RANBP2: variants seen among roughly 807,000 people sequenced by gnomAD.
RANBP2 encodes the protein E3 SUMO-protein ligase RanBP2.
Under a neutral mutation model 303.6 loss-of-function variants are expected in RANBP2, and 57 were observed. The ratio of observed to expected loss-of-function variants is 0.19; its 90% CI spans 0.15 to 0.23. RANBP2 has a LOEUF of 0.23. Ranked by LOEUF, RANBP2 falls within the 10% of genes least tolerant of loss-of-function variation. RANBP2 has a pLI of 1.00. For missense variants in RANBP2, 3,138 were observed against 3,780.8 expected (o/e 0.83, Z 4.46); for synonymous variants, 1,167 against 1,301.5 (o/e 0.90, Z 2.23).
chr2:108,976,073 G>A, the RANBP2 span, among the ~76,000 whole-genome samples: 1 of 152,140 alleles, frequency 6.6e-6, no homozygotes, highest in African/African-American at 2.4e-5. Flanking sequence ...GTGCAATACT[G>A]GTGAACTGAA....
At chr2:109,091,886 C>T in the RANBP2 span, among the ~76,000 whole-genome samples, 1 of 151,986 alleles carries the variant, frequency 6.6e-6, no homozygotes, top group African/African-American at 2.4e-5. Flanking sequence ...TGTGGGATGT[C>T]TGTTTGTAGC....
chr2:109,565,736 T>C, the RANBP2 span: 1 of 1,567,646 alleles, frequency 6.4e-7, no homozygotes, highest in African/African-American at 1.3e-5. Flanking sequence ...TAGATACATA[T>C]TTCTAGTCAT....
the RANBP2 span, among the ~76,000 whole-genome samples, chr2:109,265,737 T>A: frequency 3.0e-4 from 46 of 152,344 alleles, no homozygotes; most frequent in African/African-American, 9.6e-4. Flanking sequence ...GCAGGGTTTT[T>A]ATCAATAAAA....
chr2:108,794,206 TA>T, the RANBP2 span, among the ~76,000 whole-genome samples: 1 of 152,302 alleles, frequency 6.6e-6, no homozygotes, highest in Middle Eastern at 3.4e-3. Flanking sequence ...AAATTTGGTT[TA>T]GGGGAGAGAG....
chr2:109,527,169 C>T, the RANBP2 span, among the ~76,000 whole-genome samples: 2 of 152,330 alleles, frequency 1.3e-5, no homozygotes, highest in Admixed American at 6.5e-5. Context: ...CAAACCCACA[C>T]GAAGCAGATG....
At chr2:109,110,227 G>A in the RANBP2 span, among the ~76,000 whole-genome samples, 1 of 152,194 alleles carries the variant, frequency 6.6e-6, no homozygotes, top group East Asian at 1.9e-4. Flanking sequence ...GGGGTCTTTA[G>A]TAAATAGGAG....
the RANBP2 span, among the ~76,000 whole-genome samples, chr2:109,579,048 T>C: frequency 6.6e-6 from 1 of 152,076 alleles, no homozygotes; most frequent in East Asian, 1.9e-4. Context: ...GACTAATCAA[T>C]CAGAAAAAGA....
At chr2:109,249,532 T>TTTCTTTTTCTTTCTTTCTTTCC in the RANBP2 span, among the ~76,000 whole-genome samples, 122 of 96,484 alleles carry the variant, frequency 1.3e-3, 2 homozygotes, top group Admixed American at 1.7e-3. Context: ...TCTTTCTTTC[T>TTTCTTTTTCTTTCTTTCTTTCC]TTCCTTCCTT....
the RANBP2 span, among the ~76,000 whole-genome samples, chr2:109,708,426 G>A: frequency 1.3e-5 from 2 of 152,042 alleles, no homozygotes; most frequent in East Asian, 1.9e-4. Flanking sequence ...AGAAGGCAGA[G>A]GTGGGCGAAT....
chr2:108,929,367 C>T, the RANBP2 span: 31 of 1,614,044 alleles, frequency 1.9e-5, no homozygotes, highest in East Asian at 2.9e-4. Context: ...TCTTTGGTGC[C>T]GTAGCCACAG....
the RANBP2 span, among the ~76,000 whole-genome samples, chr2:109,682,677 T>C: frequency 0.84 from 128,111 of 152,136 alleles, 57,906 homozygotes; most frequent in Non-Finnish European, 1. Flanking sequence ...TGATGGCTCA[T>C]ATCTGTAATC....
At chr2:109,681,528 CT>C in the RANBP2 span, among the ~76,000 whole-genome samples, 2 of 151,834 alleles carry the variant, frequency 1.3e-5, no homozygotes, top group Non-Finnish European at 2.9e-5. Flanking sequence ...GAGGAGGAAA[CT>C]TTTAGGTGAG....
the RANBP2 span, among the ~76,000 whole-genome samples, chr2:109,033,991 G>T: frequency 6.6e-6 from 1 of 150,678 alleles, no homozygotes; most frequent in South Asian, 2.1e-4. Context: ...AGCCAGGTGT[G>T]TTGGCTGACG....
chr2:109,061,441 G>C, the RANBP2 span, among the ~76,000 whole-genome samples: 3 of 152,114 alleles, frequency 2.0e-5, no homozygotes, highest in African/African-American at 7.2e-5. Context: ...CTTTGGGTCT[G>C]TGTGTGCTTG....
At chr2:108,990,884 T>C in the RANBP2 span, among the ~76,000 whole-genome samples, 1 of 152,198 alleles carries the variant, frequency 6.6e-6, no homozygotes. Context: ...CCTGGGAAAA[T>C]GAATGGGAGG....
At chr2:109,377,779 T>G in the RANBP2 span, among the ~76,000 whole-genome samples, 1 of 152,204 alleles carries the variant, frequency 6.6e-6, no homozygotes, top group Non-Finnish European at 1.5e-5. Flanking sequence ...TGCAGCAACA[T>G]CAAGCTCAGT....
At chr2:108,912,938 C>T in the RANBP2 span, among the ~76,000 whole-genome samples, 5 of 150,100 alleles carry the variant, frequency 3.3e-5, no homozygotes, top group African/African-American at 4.9e-5. Flanking sequence ...AAAGAGTCAT[C>T]GTTATTGTTC....
At chr2:109,400,303 A>G in the RANBP2 span, among the ~76,000 whole-genome samples, 1 of 152,026 alleles carries the variant, frequency 6.6e-6, no homozygotes, top group African/African-American at 2.4e-5. Context: ...ATGTGCACTC[A>G]TACACATGGC....
chr2:109,605,972 C>T, the RANBP2 span, among the ~76,000 whole-genome samples: 1 of 152,184 alleles, frequency 6.6e-6, no homozygotes, highest in Non-Finnish European at 1.5e-5. Context: ...TCATTAAGAA[C>T]TGCCAAAGCC....
Sources: allele counts gnomAD v4.1 joint callset (sites outside exome capture counted in the v4.1 genomes callset), GRCh38; gene constraint gnomAD v4.1.1; transcripts MANE v1.5; gene names NCBI Gene and HGNC (gene_info 2026-07-23, HGNC 2026-07-21).